Variants in WNK1 observed in about 807,000 individuals in gnomAD.
WNK1 encodes the protein WNK lysine deficient protein kinase 1, also known as serine/threonine-protein kinase WNK1.
Under a neutral mutation model 222.8 loss-of-function variants are expected in WNK1, and 38 were observed. The observed-to-expected ratio is 0.17, with a 90% confidence interval of 0.13 to 0.22. The LOEUF is 0.22. WNK1 is among the 10% of genes least tolerant of loss of function. The pLI, the probability that WNK1 is intolerant of heterozygous loss-of-function variation, is 1.00. For synonymous variants in WNK1, 1,090 were observed against 1,092.9 expected, an observed-to-expected ratio of 1.00 and a Z score of 0.05; for missense variants, 2,348 against 2,918.4, an observed-to-expected ratio of 0.80 and a Z score of 4.50.
At chr12:755,705 G>A (rs1165605992) in intron 1 of WNK1, among the ~76,000 whole-genome samples, 1 of 152,132 alleles carries the variant, frequency 6.6e-6, no homozygotes, top group Non-Finnish European at 1.5e-5. Context: ...GGCCAGGCAC[G>A]GTGGCTCACG....
intron 12 of WNK1, 56 bp downstream of exon 12, chr12:881,055 A>G (rs573700668): frequency 1.2e-6 from 2 of 1,605,992 alleles, no homozygotes; most frequent in South Asian, 1.1e-5. Context: ...ATTGGACAAC[A>G]ATGATAAAGG....
Position 884,967 on chromosome 12 carries a change from C to G in WNK1, c.4163C>G (p.Thr1388Ser), listed in dbSNP as rs780606468. Reference sequence around the variant, plus strand: ...GAAGAGGGGATTGCTGGAGTTGCCACCAGCACAGGTGTGGTAACTTCAGGT... The same window carrying G: ...GAAGAGGGGATTGCTGGAGTTGCCAGCAGCACAGGTGTGGTAACTTCAGGT... ...PTEEGIAGVATSTGVVTSGGL... is the reference protein window; with the variant it reads ...PTEEGIAGVASSTGVVTSGGL... The change falls in exon 19 of 28, where the codon ACC becomes AGC. Residue 1388 changes from threonine (T) to serine (S), a missense_variant. This residue lies in a region of WNK1 where 1,144 missense variants were observed against 1,273.6 expected (regional missense o/e 0.90). Coordinates refer to ENST00000315939, the MANE Select transcript of WNK1 (RefSeq NM_018979.4). The surrounding 1 kb of genome is among the most constrained non-coding windows in gnomAD (Gnocchi z 5.6). The G allele has an allele frequency of 6.2e-7, 1 of 1,614,210 alleles. No homozygotes were observed. Among genetic ancestry groups the G allele is most frequent in the South Asian group, 1.1e-5 (1 of 91,086 alleles).
intron 1 of WNK1, among the ~76,000 whole-genome samples, chr12:759,528 A>T (rs187773207): frequency 6.8e-6 from 1 of 147,302 alleles, no homozygotes; most frequent in African/African-American, 2.4e-5. Flanking sequence ...ATGGGGTTTC[A>T]CCATGTTGGC....
chr12:864,110 G>GTTTTTTTTTTTTTTT lies in WNK1; in HGVS notation c.2139+1843_2139+1857dup, dbSNP rs372936466. Among the ~76,000 whole-genome samples, 840 of 124,480 alleles carry GTTTTTTTTTTTTTTT rather than the reference G, an allele frequency of 6.7e-3. 54 individuals are homozygous for GTTTTTTTTTTTTTTT. The highest frequency in any genetic ancestry group is 0.024 in the African/African-American group (805 of 33,048). 81.7% of individuals were successfully genotyped at this position (124,480 alleles called of 152,430 possible). ...ACCCTGTGCCTGAACATTTTTTTAA[G>GTTTTTTTTTTTTTTT]TTTTTTTTTTTTTTTTTGACAGCGT... On this transcript the variant is annotated intron_variant, in intron 8 of 27. Transcript: ENST00000315939.
At chr12:850,318 G>A (rs1328086245) in intron 4 of WNK1, among the ~76,000 whole-genome samples, 1 of 152,028 alleles carries the variant, frequency 6.6e-6, no homozygotes, top group Non-Finnish European at 1.5e-5. Context: ...CTGATGGCCA[G>A]TGATGATGAG....
intron 1 of WNK1, among the ~76,000 whole-genome samples, chr12:754,733 T>A (rs1220573189): frequency 6.6e-6 from 1 of 152,226 alleles, no homozygotes; most frequent in African/African-American, 2.4e-5. Flanking sequence ...ATTCCTGAGA[T>A]CAGGCTGTTC....
At chr12:855,932 C>T (rs890622578) in intron 4 of WNK1, among the ~76,000 whole-genome samples, 22 of 151,892 alleles carry the variant, frequency 1.4e-4, no homozygotes, top group African/African-American at 4.1e-4. Flanking sequence ...CTCTGCCTCC[C>T]GGGTTCAAGA....
chr12:759,488 G>A (rs573863222), intron 1 of WNK1, among the ~76,000 whole-genome samples: 1 of 146,746 alleles, frequency 6.8e-6, no homozygotes, highest in Non-Finnish European at 1.5e-5. Flanking sequence ...GCGCCACCAC[G>A]CCCGGCTAAT....
intron 22 of WNK1, among the ~76,000 whole-genome samples, chr12:890,950 A>T (rs901301938): frequency 6.6e-6 from 1 of 152,228 alleles, no homozygotes; most frequent in African/African-American, 2.4e-5. Context: ...TATATTCTCA[A>T]TTGGCTCTCA....
intron 2 of WNK1, among the ~76,000 whole-genome samples, chr12:822,756 T>C (rs962287582): frequency 6.6e-6 from 1 of 152,240 alleles, no homozygotes; most frequent in Non-Finnish European, 1.5e-5. Flanking sequence ...TTTACATGCA[T>C]TTGTCTTTTA....
At position 862,161 on chromosome 12, in the gene WNK1, A is replaced by G; in HGVS notation, c.2030A>G (p.Tyr677Cys). 2 of 1,614,068 alleles carry G rather than the reference A, an allele frequency of 1.2e-6. No individual in the cohort carries two copies. Among genetic ancestry groups the G allele is most frequent in the Non-Finnish European group, 8.5e-7 (1 of 1,179,988 alleles). ...SRVSSQQTVS[Y>C]GSQHEQAHST... ...GTGAGCAGCCAACAGACAGTTTCATATGGTTCCCAACATGAACAGGCACAT... is the reference window on the plus strand; with the variant it reads ...GTGAGCAGCCAACAGACAGTTTCATGTGGTTCCCAACATGAACAGGCACAT... Residue 677 changes from tyrosine to cysteine, a missense_variant, in exon 8 of 28, where the codon TAT (tyrosine) becomes TGT (cysteine). Tyr to Cys is a radical substitution (Grantham distance 194, BLOSUM62 -2). This residue lies in a region of WNK1 where 547 missense variants were observed against 558.3 expected (regional missense o/e 0.98). Coordinates refer to ENST00000315939, the MANE Select transcript of WNK1 (RefSeq NM_018979.4).
Position 881,897 on chromosome 12 carries a change from T to A in WNK1, c.3210-14T>A. On this transcript the variant is annotated splice_polypyrimidine_tract_variant and intron_variant, in intron 13 of 27. Coordinates refer to ENST00000315939, the MANE Select transcript of WNK1 (RefSeq NM_018979.4). ...ATTATAAACTGCACTTTTTTTTCTTTTTAAATTTCAAAGTGCACATTCAGA... is the reference window on the plus strand; with the variant it reads ...ATTATAAACTGCACTTTTTTTTCTTATTAAATTTCAAAGTGCACATTCAGA... 2 of 1,614,152 alleles carry A rather than the reference T, an allele frequency of 1.2e-6. No individual in the cohort carries two copies. Among genetic ancestry groups the A allele is most frequent in the South Asian group, 2.2e-5 (2 of 91,074 alleles).
chr12:838,078 A>AGTGTGTGTGTGTGTGT (rs3072742), intron 4 of WNK1, among the ~76,000 whole-genome samples: 11 of 148,888 alleles, frequency 7.4e-5, no homozygotes, highest in African/African-American at 2.7e-4. Flanking sequence ...GTAATATTCC[A>AGTGTGTGTGTGTGTGT]GTGTGTGTGT....
chr12:868,800 A>G (rs1951900305), intron 8 of WNK1: 2 of 1,613,902 alleles, frequency 1.2e-6, no homozygotes, highest in East Asian at 2.2e-5. Context: ...AAGCATAATT[A>G]CCATGCCCCA....
chr12:779,587 A>G (rs1434473169), intron 1 of WNK1, among the ~76,000 whole-genome samples: 1 of 151,838 alleles, frequency 6.6e-6, no homozygotes, highest in African/African-American at 2.4e-5. Context: ...TTTTTAGTAG[A>G]GACAGGGTTT....
chr12:801,735 A>G (rs1945896851), intron 1 of WNK1, among the ~76,000 whole-genome samples: 1 of 152,130 alleles, frequency 6.6e-6, no homozygotes, highest in Non-Finnish European at 1.5e-5. Context: ...CACTAAAATT[A>G]TCATAAAATC....
intron 24 of WNK1, 77 bp downstream of exon 24, chr12:896,809 T>A: frequency 6.6e-7 from 1 of 1,519,468 alleles, no homozygotes; most frequent in Non-Finnish European, 8.9e-7. Context: ...ATTAATAATA[T>A]TTTTCGCCAC....
intron 1 of WNK1, among the ~76,000 whole-genome samples, chr12:774,927 A>C (rs1001551159): frequency 6.6e-6 from 1 of 152,156 alleles, no homozygotes; most frequent in African/African-American, 2.4e-5. Flanking sequence ...ATTTTCTGCA[A>C]ATATTTTTCA....
In WNK1 at chr12:861,125, A is replaced by G. The variant is rs753979138; in HGVS notation, c.1733A>G (p.Glu578Gly). The part of the protein sequence containing the change: ...KREQRQLVRE[E>G]QEKKKQEESS... The stretch of plus-strand genomic sequence containing the variant: ...GAGCAGCGGCAGTTGGTACGGGAGG[A>G]GCAAGAAAAAAAAAAGCAGGAAGAG... The change falls in exon 7 of 28, where the codon GAG (glutamate) becomes GGG (glycine). Residue 578 changes from glutamate (E) to glycine (G), a missense_variant. This residue lies in a region of WNK1 where 103 missense variants were observed against 111.5 expected (regional missense o/e 0.92). Coordinates refer to ENST00000315939, the MANE Select transcript of WNK1 (RefSeq NM_018979.4). The G allele has an allele frequency of 1.9e-6, 3 of 1,613,928 alleles. No homozygotes were observed. The highest frequency in any genetic ancestry group is 8.5e-7 in the Non-Finnish European group (1 of 1,179,950).
Sources: gnomAD v4.1 joint callset for allele counts (sites outside exome capture counted in the v4.1 genomes callset) on GRCh38, gnomAD v4.1.1 for gene constraint, gnomAD v4.1.1 regional missense constraint, Gnocchi (gnomAD v3.1) non-coding constraint, MANE v1.5 for transcripts, NCBI Gene and HGNC (gene_info 2026-07-23, HGNC 2026-07-21) for gene names.